CCSER1: variants seen among roughly 807,000 people sequenced by gnomAD.
The protein encoded by CCSER1 is serine-rich coiled-coil domain-containing protein 1.
A neutral mutation model predicts 82.0 loss-of-function variants in CCSER1; 41 were observed. The observed-to-expected ratio is 0.50, with a 90% CI of 0.39 to 0.65. CCSER1 has a LOEUF of 0.65. CCSER1 is among the 30% of genes least tolerant of loss of function. CCSER1 has a pLI of 0.00. For missense variants in CCSER1, 1,119 were observed against 1,064.2 expected, an observed-to-expected ratio of 1.05 and a Z score of -0.72; for synonymous variants, 414 against 383.9, an observed-to-expected ratio of 1.08 and a Z score of -0.92.
chr4:90,771,138 G>T lies in CCSER1; in HGVS notation c.2011-44624G>T, dbSNP rs189016444. Among the ~76,000 whole-genome samples the T allele has an allele frequency of 2.0e-5, 3 of 152,058 alleles. No individual in the cohort carries two copies. The East Asian group carries it at 5.8e-4, about 29-fold the overall frequency. ...GCTATTCACCCTTTTATATAGCTAT[G>T]ATTTTAAAGTGCCTACACTCTGCGA... On this transcript the variant is annotated intron_variant, in intron 7 of 10. Coordinates refer to ENST00000509176, the MANE Select transcript of CCSER1 (RefSeq NM_001145065.2).
At chr4:90,277,889 AACAG>A (rs543847676) in intron 1 of CCSER1, among the ~76,000 whole-genome samples, 261 of 152,290 alleles carry the variant, frequency 1.7e-3, no homozygotes, top group African/African-American at 6.0e-3. Flanking sequence ...TAAAGGAGTA[AACAG>A]ACAGCCCATA....
At chr4:90,782,243 G>T (rs1753873048) in intron 7 of CCSER1, among the ~76,000 whole-genome samples, 1 of 152,140 alleles carries the variant, frequency 6.6e-6, no homozygotes, top group South Asian at 2.1e-4. Context: ...TAAGGAATTT[G>T]TAGACTAATC....
chr4:90,513,151 G>C (rs1431029212), intron 5 of CCSER1, among the ~76,000 whole-genome samples: 3 of 152,152 alleles, frequency 2.0e-5, no homozygotes, highest in Non-Finnish European at 2.9e-5. Flanking sequence ...AGTCTACTTA[G>C]CATGGTTTTA....
chr4:90,293,019 C>T (rs1475654552), intron 1 of CCSER1, among the ~76,000 whole-genome samples: 3 of 151,662 alleles, frequency 2.0e-5, no homozygotes, highest in South Asian at 2.1e-4. Flanking sequence ...TTCTTCTTTA[C>T]GTTCGTATCT....
intron 5 of CCSER1, among the ~76,000 whole-genome samples, chr4:90,596,530 T>G (rs1373984799): frequency 6.6e-6 from 1 of 151,906 alleles, no homozygotes; most frequent in Non-Finnish European, 1.5e-5. Context: ...AACTTGATTT[T>G]TTTCTAGGAC....
intron 9 of CCSER1, among the ~76,000 whole-genome samples, chr4:91,082,009 A>G (rs949222430): frequency 3.3e-5 from 5 of 152,234 alleles, no homozygotes; most frequent in Non-Finnish European, 5.9e-5. Flanking sequence ...TATAGATTCA[A>G]TGCCATCCCC....
chr4:90,183,303 G>A (rs373544733), intron 1 of CCSER1, among the ~76,000 whole-genome samples: 4 of 151,808 alleles, frequency 2.6e-5, no homozygotes, highest in Non-Finnish European at 5.9e-5. Context: ...CCCTGTATCC[G>A]GTTTTAACCA....
chr4:90,909,910 A>G (rs1444259878), intron 8 of CCSER1, among the ~76,000 whole-genome samples: 1 of 152,192 alleles, frequency 6.6e-6, no homozygotes, highest in Non-Finnish European at 1.5e-5. Context: ...TTCAACTCAC[A>G]TTGTATTAGT....
chr4:90,238,955 A>G (rs1252266603), intron 1 of CCSER1, among the ~76,000 whole-genome samples: 2 of 151,630 alleles, frequency 1.3e-5, no homozygotes, highest in Non-Finnish European at 2.9e-5. Flanking sequence ...GGTTCAAGCG[A>G]TTCTCCTTCC....
At chr4:90,901,744 A>G (rs1233688062) in intron 8 of CCSER1, among the ~76,000 whole-genome samples, 3 of 151,894 alleles carry the variant, frequency 2.0e-5, no homozygotes, top group African/African-American at 7.3e-5. Context: ...TTGACCTTGG[A>G]TAATCTCATG....
At chr4:90,302,540 C>T (rs1733356653) in intron 1 of CCSER1, among the ~76,000 whole-genome samples, 1 of 152,164 alleles carries the variant, frequency 6.6e-6, no homozygotes, top group Non-Finnish European at 1.5e-5. Context: ...GTGGCTCATG[C>T]CTGTACTCCC....
At position 90,570,185 on chromosome 4, in the gene CCSER1, C is replaced by G. The variant is rs544245806; in HGVS notation, c.1725-57840C>G. Among the ~76,000 whole-genome samples the G allele has an allele frequency of 6.6e-5, 10 of 152,294 alleles. No homozygotes were observed. The East Asian group carries it at 1.9e-3, about 29-fold the overall frequency. On this transcript the variant is annotated intron_variant, in intron 5 of 10. Coordinates refer to ENST00000509176, the MANE Select transcript of CCSER1 (RefSeq NM_001145065.2). The stretch of plus-strand genomic sequence containing the variant: ...GCTGGGCATCCCTCCCTTCATAAGA[C>G]CAGCCCAGGAAGGAGATGTCATGAT...
intron 9 of CCSER1, among the ~76,000 whole-genome samples, chr4:90,986,857 C>T (rs1347881269): frequency 2.0e-5 from 3 of 151,642 alleles, no homozygotes; most frequent in Admixed American, 1.3e-4. Context: ...TTCGGAGACC[C>T]TGTGTATCAT....
intron 10 of CCSER1, among the ~76,000 whole-genome samples, chr4:91,448,176 T>C (rs1193999636): frequency 6.6e-6 from 1 of 152,118 alleles, no homozygotes; most frequent in African/African-American, 2.4e-5. Context: ...CCTTTTAGTA[T>C]TATCAACTTA....
intron 10 of CCSER1, among the ~76,000 whole-genome samples, chr4:91,117,410 C>T (rs1424264860): frequency 6.6e-6 from 1 of 152,156 alleles, no homozygotes; most frequent in Non-Finnish European, 1.5e-5. Context: ...CATTCCTTGT[C>T]TGGGACCTAT....
At chr4:90,976,904 AG>A (rs1735662967) in intron 9 of CCSER1, among the ~76,000 whole-genome samples, 1 of 151,560 alleles carries the variant, frequency 6.6e-6, no homozygotes. Flanking sequence ...CTTCTCTACT[AG>A]CAAAATTTCG....
intron 10 of CCSER1, among the ~76,000 whole-genome samples, chr4:91,492,864 A>C (rs538729753): frequency 4.6e-5 from 7 of 152,148 alleles, no homozygotes; most frequent in Non-Finnish European, 5.9e-5. Context: ...GAGAAAGTAC[A>C]TGATTAGTTT....
intron 1 of CCSER1, among the ~76,000 whole-genome samples, chr4:90,152,653 C>A (rs1727082493): frequency 6.6e-6 from 1 of 151,986 alleles, no homozygotes; most frequent in South Asian, 2.1e-4. Flanking sequence ...GTGTAGAGAG[C>A]ACTGATTATT....
At position 90,610,655 on chromosome 4, in the gene CCSER1, A is replaced by G. The variant is rs557945638; in HGVS notation, c.1725-17370A>G. Among the ~76,000 whole-genome samples, 8 of 152,338 alleles carry G rather than the reference A, an allele frequency of 5.3e-5. No homozygotes were observed. In the South Asian group the frequency reaches 1.7e-3, roughly 32 times the overall value. On this transcript the variant is annotated intron_variant, in intron 5 of 10. Coordinates refer to ENST00000509176, the MANE Select transcript of CCSER1 (RefSeq NM_001145065.2). ...GAGAATACATAGAAGTCAAATCAAT[A>G]ATTAAGCAGTACAACAATAAACTTC...
Sources: gnomAD v4.1 joint callset for allele counts (sites outside exome capture counted in the v4.1 genomes callset) on GRCh38, gnomAD v4.1.1 for gene constraint, MANE v1.5 for transcripts, NCBI Gene and HGNC (gene_info 2026-07-23, HGNC 2026-07-21) for gene names.